The following SIMC1 variants were observed in gnomAD, a reference collection of about 807,000 sequenced individuals.
SIMC1 encodes the protein SUMO-interacting motif-containing protein 1.
Under a neutral mutation model 82.3 loss-of-function variants are expected in SIMC1, and 55 were observed. The observed-to-expected ratio is 0.67, with a 90% CI of 0.54 to 0.84. The LOEUF is 0.84. Ranked by LOEUF, SIMC1 falls within the 40% of genes least tolerant of loss-of-function variation. The pLI is 0.00. For missense variants in SIMC1, 915 were observed against 1,107.2 expected (o/e 0.83, Z 2.46); for synonymous variants, 353 against 426.3 (o/e 0.83, Z 2.12).
chr5:176,331,692 A>G (rs997407701), intron 7 of SIMC1, among the ~76,000 whole-genome samples: 1 of 150,768 alleles, frequency 6.6e-6, no homozygotes, highest in African/African-American at 2.4e-5. Context: ...GGTAGGCCAG[A>G]TGCAGTTGGC....
chr5:176,293,466 G>A lies in SIMC1; in HGVS notation c.1432-1564G>A, dbSNP rs528455645. ...AAAAAAAATTAATTGTTTAAGGCCA[G>A]ACATGATGGCTCACACCTATAATCC... On this transcript the variant is annotated intron_variant, in intron 2 of 9. Coordinates refer to ENST00000429602, the MANE Select transcript of SIMC1 (RefSeq NM_001308195.2). Among the ~76,000 whole-genome samples the A allele has an allele frequency of 4.6e-5, 7 of 151,580 alleles. No homozygotes were observed. The South Asian group carries it at 1.2e-3, about 27-fold the overall frequency.
chr5:176,322,461 G>A, intron 6 of SIMC1, 36 bp downstream of exon 6: 1 of 1,585,626 alleles, frequency 6.3e-7, no homozygotes, highest in East Asian at 2.3e-5. Flanking sequence ...TGGGGCTCTT[G>A]GGGTTTAGTG....
chr5:176,332,347 A>G (rs6556264), intron 7 of SIMC1, among the ~76,000 whole-genome samples: 81,063 of 151,974 alleles, frequency 0.53, 21,771 homozygotes, highest in Non-Finnish European at 0.57. Context: ...CTGGAGTGCA[A>G]TGGCACGATC....
chr5:176,300,299 A>C (rs1380011283), intron 4 of SIMC1, among the ~76,000 whole-genome samples: 1 of 152,108 alleles, frequency 6.6e-6, no homozygotes, highest in Non-Finnish European at 1.5e-5. Context: ...GAACAAAACT[A>C]AGATATGGGG....
intron 7 of SIMC1, among the ~76,000 whole-genome samples, chr5:176,332,490 G>A (rs973468933): frequency 1.9e-4 from 29 of 151,972 alleles, no homozygotes; most frequent in East Asian, 7.7e-4. Flanking sequence ...GGGTTTCTCC[G>A]TGTTGGTCAG....
intron 1 of SIMC1, among the ~76,000 whole-genome samples, chr5:176,285,350 T>C (rs1763222010): frequency 6.6e-6 from 1 of 152,188 alleles, no homozygotes; most frequent in African/African-American, 2.4e-5. Flanking sequence ...AATCAATAAA[T>C]GTAATCCAGC....
At chr5:176,322,741 TC>T in intron 6 of SIMC1, 1 of 232,754 alleles carries the variant, frequency 4.3e-6, no homozygotes, top group South Asian at 1.2e-4. Context: ...TTACAGCTCC[TC>T]ATCACTTCAG....
At chr5:176,285,502 C>T (rs576434263) in intron 1 of SIMC1, among the ~76,000 whole-genome samples, 6 of 152,280 alleles carry the variant, frequency 3.9e-5, no homozygotes, top group African/African-American at 1.2e-4. Context: ...ATAATAAGAG[C>T]TGTTTATGAC....
At chr5:176,327,301 T>C (rs1171541433) in intron 7 of SIMC1, among the ~76,000 whole-genome samples, 1 of 152,222 alleles carries the variant, frequency 6.6e-6, no homozygotes, top group African/African-American at 2.4e-5. Context: ...CCTTGATTTA[T>C]TTTAATTTTC....
rs1581207340 is a variant in SIMC1 at position 176,238,424 on chromosome 5, G to C, written c.-85G>C. ...GGTTGTAGCCGCCGCCGCTGCCGCC[G>C]CCCCGCCGCCGCCACCTCAGAAGCA... On this transcript the variant is annotated 5_prime_UTR_variant, in exon 1 of 10. Transcript: ENST00000429602. The C allele has an allele frequency of 2.1e-5, 3 of 142,182 alleles. No individual in the cohort carries two copies. Among genetic ancestry groups the C allele is most frequent in the Non-Finnish European group, 4.6e-5 (3 of 65,540 alleles). 8.8% of individuals were successfully genotyped at this position (142,182 alleles called of 1,614,324 possible). A position where few individuals can be genotyped will look rare whatever the true frequency, so the allele number is the denominator to read the frequency against.
intron 7 of SIMC1, among the ~76,000 whole-genome samples, chr5:176,330,961 G>A (rs1765630534): frequency 6.6e-6 from 1 of 152,156 alleles, no homozygotes; most frequent in Non-Finnish European, 1.5e-5. Context: ...TTGATGTCAT[G>A]TGCCTTTTTA....
chr5:176,299,765 C>T (rs1038451893), intron 4 of SIMC1, among the ~76,000 whole-genome samples: 2 of 152,074 alleles, frequency 1.3e-5, no homozygotes, highest in African/African-American at 2.4e-5. Flanking sequence ...TTGAACAATA[C>T]TATAGGCCAC....
intron 4 of SIMC1, chr5:176,304,346 C>T (rs894405107): frequency 1.6e-4 from 25 of 159,036 alleles, no homozygotes; most frequent in African/African-American, 4.1e-4. Flanking sequence ...TGCAGGCACG[C>T]GCCACCACGC....
chr5:176,330,725 AG>A (rs1374065118), intron 7 of SIMC1, among the ~76,000 whole-genome samples: 1 of 152,254 alleles, frequency 6.6e-6, no homozygotes, highest in African/African-American at 2.4e-5. Flanking sequence ...AACTAATGTT[AG>A]AAAAAATGAT....
At chr5:176,328,422 T>C (rs1311899148) in intron 7 of SIMC1, among the ~76,000 whole-genome samples, 5 of 151,794 alleles carry the variant, frequency 3.3e-5, no homozygotes, top group Non-Finnish European at 7.4e-5. Flanking sequence ...CTGGGCTCGG[T>C]GGTAATGGTG....
intron 1 of SIMC1, among the ~76,000 whole-genome samples, chr5:176,275,959 T>C (rs1277411291): frequency 1.3e-5 from 2 of 151,714 alleles, no homozygotes; most frequent in Non-Finnish European, 2.9e-5. Context: ...TCTGCCCGGC[T>C]TTGGTATCAG....
At position 176,272,163 on chromosome 5, in the gene SIMC1, C is replaced by A. The variant is rs542641038; in HGVS notation, c.130-17491C>A. On this transcript the variant is annotated intron_variant, in intron 1 of 9. Transcript: ENST00000429602. Reference sequence around the variant, plus strand: ...TTCAAGACCAGTCTGTAGTGACATCCCATCTCTACAAAAAAAAAAAAAAAA... The same window carrying A: ...TTCAAGACCAGTCTGTAGTGACATCACATCTCTACAAAAAAAAAAAAAAAA... Among the ~76,000 whole-genome samples, 133 of 126,180 alleles carry A rather than the reference C, an allele frequency of 1.1e-3. 2 individuals are homozygous for A. The South Asian group carries it at 0.018, about 17-fold the overall frequency. 82.8% of individuals were successfully genotyped at this position (126,180 alleles called of 152,430 possible). A position where few individuals can be genotyped will look rare whatever the true frequency, so the allele number is the denominator to read the frequency against.
At chr5:176,332,231 A>C (rs1037706963) in intron 7 of SIMC1, among the ~76,000 whole-genome samples, 2 of 151,824 alleles carry the variant, frequency 1.3e-5, no homozygotes, top group Admixed American at 6.6e-5. Flanking sequence ...ATTCCATTTT[A>C]TCTCTCCTGT....
intron 4 of SIMC1, among the ~76,000 whole-genome samples, chr5:176,302,734 A>G (rs1194488030): frequency 1.3e-5 from 2 of 152,274 alleles, no homozygotes; most frequent in Non-Finnish European, 2.9e-5. Flanking sequence ...ACCAGCTCAC[A>G]AAACTCAGTT....
Sources: gnomAD v4.1 joint callset for allele counts (sites outside exome capture counted in the v4.1 genomes callset) on GRCh38, gnomAD v4.1.1 for gene constraint, MANE v1.5 for transcripts, NCBI Gene and HGNC (gene_info 2026-07-23, HGNC 2026-07-21) for gene names.